The following PDE4D variants were observed in gnomAD, a reference collection of about 807,000 sequenced individuals.
PDE4D encodes 3',5'-cyclic-AMP phosphodiesterase 4D.
Under a neutral mutation model 87.4 loss-of-function variants are expected in PDE4D, and 24 were observed. The observed-to-expected ratio is 0.27, with a 90% CI of 0.20 to 0.39. The LOEUF (loss-of-function observed/expected upper bound fraction) is 0.39, where lower values mean the gene tolerates loss of function less well. Among genes scored for constraint, PDE4D ranks in the 10% least tolerant of loss-of-function variants. The pLI, the probability that PDE4D is intolerant of heterozygous loss-of-function variation, is 1.00. For synonymous variants in PDE4D, 384 were observed against 383.2 expected, an observed-to-expected ratio of 1.00 and a Z score of -0.02; for missense variants, 714 against 1,041.0, an observed-to-expected ratio of 0.69 and a Z score of 4.32.
intron 1 of PDE4D, among the ~76,000 whole-genome samples, chr5:60,507,050 T>C (rs1236261578): frequency 6.6e-6 from 1 of 152,212 alleles, no homozygotes; most frequent in Non-Finnish European, 1.5e-5. Context: ...TTTCACATCA[T>C]GTCTTGTCAT....
At chr5:59,350,755 C>G (rs1006316843) in intron 1 of PDE4D, among the ~76,000 whole-genome samples, 3 of 152,160 alleles carry the variant, frequency 2.0e-5, no homozygotes, top group African/African-American at 7.2e-5. Flanking sequence ...GGCTAACACA[C>G]TTAATCCTCA....
chr5:59,248,456 G>T (rs1015479761), intron 1 of PDE4D, among the ~76,000 whole-genome samples: 4 of 151,656 alleles, frequency 2.6e-5, no homozygotes, highest in African/African-American at 7.3e-5. Context: ...CAGTGAAAGG[G>T]CTCATTGCGG....
chr5:59,285,630 A>T (rs1016526121), intron 1 of PDE4D, among the ~76,000 whole-genome samples: 1 of 152,168 alleles, frequency 6.6e-6, no homozygotes, highest in Non-Finnish European at 1.5e-5. Flanking sequence ...GAAGCGAAAA[A>T]TTTTTTGTTA....
Position 59,485,295 on chromosome 5 carries a change from T to C in PDE4D, c.456-269327A>G, listed in dbSNP as rs73760620. Among the ~76,000 whole-genome samples the C allele has an allele frequency of 7.5e-3, 1,149 of 152,302 alleles. 16 individuals are homozygous for C. The highest frequency in any genetic ancestry group is 0.025 in the African/African-American group (1,045 of 41,570). ...TGCATCCAGTGATTTGTGCAATGTG[T>C]CAGCCATCTGGGCTTTATTTTCACT... On this transcript the variant is annotated intron_variant, in intron 1 of 14. Transcript: ENST00000340635.
At chr5:59,456,358 A>G (rs1799925472) in intron 1 of PDE4D, among the ~76,000 whole-genome samples, 2 of 152,160 alleles carry the variant, frequency 1.3e-5, no homozygotes, top group Non-Finnish European at 2.9e-5. Context: ...TCCCTGCACA[A>G]GCTCTCTCTT....
chr5:59,562,017 C>A (rs1329795448), intron 1 of PDE4D, among the ~76,000 whole-genome samples: 1 of 152,058 alleles, frequency 6.6e-6, no homozygotes, highest in Non-Finnish European at 1.5e-5. Flanking sequence ...ATTCTTTGTA[C>A]CTTGTGACTG....
intron 2 of PDE4D, among the ~76,000 whole-genome samples, chr5:59,210,021 G>A (rs769699840): frequency 4.6e-5 from 7 of 152,232 alleles, no homozygotes; most frequent in Non-Finnish European, 1.0e-4. Flanking sequence ...CACAGGGTGA[G>A]GGGTGAGGAT....
intron 3 of PDE4D, among the ~76,000 whole-genome samples, chr5:59,951,291 A>G (rs958613525): frequency 7.2e-5 from 11 of 152,210 alleles, no homozygotes; most frequent in Admixed American, 6.5e-4. Flanking sequence ...AAGGGATTGA[A>G]TTTTTTTCCC....
chr5:60,497,190 AG>A (rs1749851548), intron 1 of PDE4D, among the ~76,000 whole-genome samples: 1 of 152,134 alleles, frequency 6.6e-6, no homozygotes, highest in Admixed American at 6.6e-5. Flanking sequence ...GCCCTCCAAA[AG>A]GTTGTATCAG....
At chr5:59,638,343 T>C (rs1740952309) in intron 1 of PDE4D, among the ~76,000 whole-genome samples, 1 of 152,140 alleles carries the variant, frequency 6.6e-6, no homozygotes. Flanking sequence ...ATTGCAAAGC[T>C]AGTTGGAGGA....
intron 1 of PDE4D, among the ~76,000 whole-genome samples, chr5:60,291,072 C>T (rs886244769): frequency 1.3e-5 from 2 of 152,146 alleles, no homozygotes; most frequent in East Asian, 1.9e-4. Context: ...TTCTGGGTTT[C>T]CTGTTTATCC....
chr5:59,230,548 T>C (rs974706503), intron 1 of PDE4D, among the ~76,000 whole-genome samples: 4 of 152,226 alleles, frequency 2.6e-5, no homozygotes, highest in African/African-American at 9.7e-5. Context: ...CCTTAAAATA[T>C]TATGTGTTAA....
At chr5:59,654,541 C>A (rs1260279371) in intron 1 of PDE4D, among the ~76,000 whole-genome samples, 1 of 152,156 alleles carries the variant, frequency 6.6e-6, no homozygotes, top group Non-Finnish European at 1.5e-5. Flanking sequence ...TGAGGAGGGG[C>A]CACTACTTAG....
At chr5:59,468,167 G>A (rs1801872316) in intron 1 of PDE4D, among the ~76,000 whole-genome samples, 2 of 152,104 alleles carry the variant, frequency 1.3e-5, no homozygotes, top group Admixed American at 6.6e-5. Context: ...AATATTTCAT[G>A]AACACTGTCT....
chr5:59,703,714 T>C (rs370988529), intron 1 of PDE4D: 3 of 463,706 alleles, frequency 6.5e-6, no homozygotes, highest in African/African-American at 6.0e-5. Flanking sequence ...TGACTTGTTG[T>C]GGTCTACTAG....
chr5:59,257,233 G>C (rs1761148998), intron 1 of PDE4D, among the ~76,000 whole-genome samples: 1 of 152,060 alleles, frequency 6.6e-6, no homozygotes. Context: ...AATGATGTGT[G>C]ATGGGTTTCA....
intron 1 of PDE4D, among the ~76,000 whole-genome samples, chr5:60,321,364 C>G (rs953329108): frequency 1.3e-5 from 2 of 152,106 alleles, no homozygotes; most frequent in African/African-American, 4.8e-5. Flanking sequence ...GATGCTGGAC[C>G]TCTTTTTTAT....
intron 5 of PDE4D, among the ~76,000 whole-genome samples, chr5:59,069,782 A>G (rs1443052665): frequency 1.3e-5 from 2 of 152,166 alleles, no homozygotes; most frequent in Non-Finnish European, 2.9e-5. Flanking sequence ...TTAAAATGTT[A>G]TAAAATTAAA....
At chr5:59,592,962 A>G (rs1826117723) in intron 1 of PDE4D, among the ~76,000 whole-genome samples, 1 of 151,920 alleles carries the variant, frequency 6.6e-6, no homozygotes, top group African/African-American at 2.4e-5. Context: ...AGATTATTAT[A>G]ATTTTAACTT....
Sources: gnomAD v4.1 joint callset for allele counts (sites outside exome capture counted in the v4.1 genomes callset) on GRCh38, gnomAD v4.1.1 for gene constraint, MANE v1.5 for transcripts, NCBI Gene and HGNC (gene_info 2026-07-23, HGNC 2026-07-21) for gene names.